CDK11A: variants seen among roughly 807,000 people sequenced by gnomAD.
CDK11A encodes the protein cyclin dependent kinase 11A.
Under a neutral mutation model 83.6 loss-of-function variants are expected in CDK11A, and 55 were observed. The observed-to-expected ratio is 0.66, with a 90% CI of 0.53 to 0.82. The LOEUF is 0.82. Ranked by LOEUF, CDK11A falls within the 40% of genes least tolerant of loss-of-function variation. The pLI is 0.00. For synonymous variants in CDK11A, 247 were observed against 302.7 expected, an observed-to-expected ratio of 0.82 and a Z score of 1.91; for missense variants, 564 against 810.1, an observed-to-expected ratio of 0.70 and a Z score of 3.69.
chr1:1,702,584 T>C lies in CDK11A; in HGVS notation c.*323A>G, dbSNP rs1325784029. 2 of 218,618 alleles carry C rather than the reference T, an allele frequency of 9.1e-6. No individual in the cohort carries two copies. Among genetic ancestry groups the C allele is most frequent in the Non-Finnish European group, 1.8e-5 (2 of 108,308 alleles). The allele number at this position is 218,618 out of a possible 1,614,324, so 13.5% of individuals were successfully genotyped here. ...GTCTCCAGCTCCGAAGATTAAACAA[T>C]CCACCCGGCTCCCACCAGTTCCTTT... On this transcript the variant is annotated 3_prime_UTR_variant, in exon 20 of 20. Coordinates refer to ENST00000404249, the MANE Select transcript of CDK11A (RefSeq NM_024011.4).
Position 1,704,770 on chromosome 1 carries a change from A to G in CDK11A, c.1459-115T>C, listed in dbSNP as rs2377228. ...CTCCGGTGCCACCCGGGAGGCAAAT[A>G]CTTGCTTCTGTGTGGTCTGTGAAGG... On this transcript the variant is annotated intron_variant, in intron 13 of 19. Coordinates refer to ENST00000404249, the MANE Select transcript of CDK11A (RefSeq NM_024011.4). 4.9e-3 allele frequency: 7,723 copies of G among 1,574,910 alleles called. 246 individuals are homozygous for G. Among genetic ancestry groups the G allele is most frequent in the South Asian group, 5.4e-3 (476 of 87,640 alleles).
intron 9 of CDK11A, among the ~76,000 whole-genome samples, chr1:1,708,521 C>G (rs140002785): frequency 0.33 from 37,437 of 114,128 alleles, 5,605 homozygotes; most frequent in African/African-American, 0.47. Context: ...CACACCTGTA[C>G]TCCCAGCTAC....
chr1:1,719,512 G>A, intron 3 of CDK11A, 57 bp from the exon 4 acceptor site: 4 of 1,325,628 alleles, frequency 3.0e-6, no homozygotes, highest in Non-Finnish European at 3.9e-6. Context: ...AAAAGCATCA[G>A]GCTATTATGA....
At chr1:1,714,397 C>T in intron 5 of CDK11A, among the ~76,000 whole-genome samples, 1 of 45,002 alleles carries the variant, frequency 2.2e-5, no homozygotes, top group African/African-American at 3.8e-5. Flanking sequence ...CATCTGGACA[C>T]TCAAGACAGT....
chr1:1,718,674 G>A (rs1456063238), intron 4 of CDK11A, among the ~76,000 whole-genome samples: 5 of 137,780 alleles, frequency 3.6e-5, no homozygotes, highest in African/African-American at 1.1e-4. Context: ...TTGCTCTGTC[G>A]CCCAGGCTAG....
intron 3 of CDK11A, among the ~76,000 whole-genome samples, chr1:1,719,904 C>T (rs113426695): frequency 1.1e-4 from 17 of 150,466 alleles, no homozygotes; most frequent in Admixed American, 4.0e-4. Context: ...CGTGAGCCAC[C>T]GCGCCCGGCC....
chr1:1,719,162 G>T, intron 4 of CDK11A, 166 bp downstream of exon 4: 1 of 491,516 alleles, frequency 2.0e-6, no homozygotes, highest in Non-Finnish European at 3.4e-6. Context: ...CATGCTTTCA[G>T]CTATTCTCTC....
chr1:1,706,061 A>T (rs1310790624), intron 11 of CDK11A, among the ~76,000 whole-genome samples: 12 of 122,112 alleles, frequency 9.8e-5, no homozygotes, highest in Non-Finnish European at 2.3e-4. Context: ...TGGCCAACAT[A>T]GCAACACTCT....
At chr1:1,721,533 G>A (rs1244505580) in intron 3 of CDK11A, 63 bp downstream of exon 3, 5 of 1,550,024 alleles carry the variant, frequency 3.2e-6, no homozygotes, top group Non-Finnish European at 4.4e-6. Context: ...AGTGACCCTA[G>A]GAAGGACTGG....
intron 5 of CDK11A, among the ~76,000 whole-genome samples, chr1:1,715,553 G>A (rs35642458): frequency 0.7 from 101,143 of 144,058 alleles, 40,300 homozygotes; most frequent in Non-Finnish European, 0.9. Context: ...CAGCGGTCTC[G>A]GACCTTGACC....
chr1:1,716,224 T>C (rs1644636533), intron 5 of CDK11A, 122 bp downstream of exon 5: 18 of 1,148,292 alleles, frequency 1.6e-5, no homozygotes, highest in Non-Finnish European at 2.3e-5. Context: ...CACTGTGCTG[T>C]TTCCATGTCT....
At chr1:1,717,555 C>T (rs1261191244) in intron 4 of CDK11A, among the ~76,000 whole-genome samples, 4 of 151,178 alleles carry the variant, frequency 2.6e-5, no homozygotes, top group Admixed American at 1.3e-4. Context: ...GAGAGAAAAC[C>T]CCAGAGGAAA....
intron 12 of CDK11A, 52 bp from the exon 13 acceptor site, chr1:1,705,077 C>G (rs1203980479): frequency 6.4e-7 from 1 of 1,567,192 alleles, no homozygotes; most frequent in Non-Finnish European, 8.6e-7. Flanking sequence ...GTCACGGTAC[C>G]AACAGTGGAC....
rs201838992 is a variant in CDK11A, at chr1:1,719,397, T to G, written c.286A>C (p.Lys96Gln). 395 of 1,538,722 alleles carry G rather than the reference T, an allele frequency of 2.6e-4. 14 individuals carry two copies. The highest frequency in any genetic ancestry group is 3.3e-4 in the Non-Finnish European group (373 of 1,145,554). Residue 96 changes from lysine to glutamine, a missense_variant, in exon 4 of 20, where the codon AAA becomes CAA. By Grantham distance (53) the Lys-to-Gln change is moderately conservative (BLOSUM62 1). Transcript: ENST00000404249. ...KPPQQMSRKEKVHHRKDEKRK... is the reference protein window; with the variant it reads ...KPPQQMSRKEQVHHRKDEKRK... ...TTTTCATCTTTTCTGTGATGAACTTTTTCTTTCCGAGACATTTGCTGGGGT... is the reference window on the plus strand; with the variant it reads ...TTTTCATCTTTTCTGTGATGAACTTGTTCTTTCCGAGACATTTGCTGGGGT...
At chr1:1,716,500 T>A (rs200601104) in intron 4 of CDK11A, 22 bp from the exon 5 acceptor site, 1 of 1,604,238 alleles carries the variant, frequency 6.2e-7, no homozygotes, top group Non-Finnish European at 8.5e-7. Flanking sequence ...TAAAGTGTCA[T>A]GCAAAGAAAC....
chr1:1,706,447 G>A (rs1025441474), intron 11 of CDK11A, among the ~76,000 whole-genome samples: 3 of 151,372 alleles, frequency 2.0e-5, no homozygotes, highest in Non-Finnish European at 4.4e-5. Context: ...TACTCAGGAG[G>A]CTGAGATGGG....
rs1352032381 is a variant in CDK11A, at chr1:1,722,703, C to T, written c.111+5G>A. 2.6e-6 allele frequency: 4 copies of T among 1,557,418 alleles called. 1 individual carries two copies. In the Admixed American group the frequency reaches 7.7e-5, roughly 30 times the overall value. On this transcript the variant is annotated splice_donor_5th_base_variant and intron_variant, in intron 2 of 19. Coordinates refer to ENST00000404249, the MANE Select transcript of CDK11A (RefSeq NM_024011.4). ...AAACCACTTACTTAAAAAAATATGG[C>T]TTACATTTTTTAAGCGTTTTATCTC...
At chr1:1,720,407 T>G (rs1428737102) in intron 3 of CDK11A, among the ~76,000 whole-genome samples, 1 of 149,010 alleles carries the variant, frequency 6.7e-6, no homozygotes, top group East Asian at 2.0e-4. Flanking sequence ...TGTATTTATT[T>G]TTTTGAGATG....
rs1021529849 is a variant in CDK11A at position 1,719,818 on chromosome 1, T to A, written c.228-363A>T. Among the ~76,000 whole-genome samples the A allele has an allele frequency of 9.9e-5, 15 of 150,762 alleles. 2 individuals are homozygous for A. In the East Asian group the frequency reaches 1.6e-3, roughly 16 times the overall value. On this transcript the variant is annotated intron_variant, in intron 3 of 19. Coordinates refer to ENST00000404249, the MANE Select transcript of CDK11A (RefSeq NM_024011.4). The stretch of plus-strand genomic sequence containing the variant: ...TTTTAGTAGAGACGGGGTTTCACTG[T>A]GTTAGCCAAGATGGTCTCAATCTCC...
Sources: gnomAD v4.1 joint callset for allele counts (sites outside exome capture counted in the v4.1 genomes callset) on GRCh38, gnomAD v4.1.1 for gene constraint, MANE v1.5 for transcripts, NCBI Gene and HGNC (gene_info 2026-07-23, HGNC 2026-07-21) for gene names.